Variants in ATG16L1 observed in about 807,000 individuals in gnomAD.
ATG16L1 encodes the protein autophagy related 16 like 1.
Under a neutral mutation model 88.5 loss-of-function variants are expected in ATG16L1, and 37 were observed. The observed-to-expected ratio is 0.42, with a 90% CI of 0.32 to 0.55. The LOEUF is 0.55. Ranked by LOEUF, ATG16L1 falls within the 20% of genes least tolerant of loss-of-function variation. The probability of loss-of-function intolerance (pLI) is 0.13; values close to 1 mark genes in which losing one functional copy is unlikely to be tolerated. For missense variants in ATG16L1, 554 were observed against 752.8 expected (o/e 0.74, Z 3.09); for synonymous variants, 301 against 281.0 (o/e 1.07, Z -0.71).
At chr2:233,273,599 C>T in intron 7 of ATG16L1, 122 bp from the exon 8 acceptor site, 1 of 914,650 alleles carries the variant, frequency 1.1e-6, no homozygotes, top group Non-Finnish European at 1.7e-6. Flanking sequence ...TTTCTCTTGG[C>T]TGGGGTTTGG....
intron 2 of ATG16L1, among the ~76,000 whole-genome samples, chr2:233,260,305 C>T (rs6758317): frequency 0.24 from 36,461 of 152,116 alleles, 4,745 homozygotes; most frequent in African/African-American, 0.35. Flanking sequence ...TTCTGGGAAA[C>T]TGTTAGAAAC....
At position 233,255,424 on chromosome 2, in the gene ATG16L1, A is replaced by C. The variant is rs566668000; in HGVS notation, c.116-678A>C. Among the ~76,000 whole-genome samples, 10 of 152,332 alleles carry C rather than the reference A, an allele frequency of 6.6e-5. No homozygotes were observed. In the South Asian group the frequency reaches 1.0e-3, roughly 16 times the overall value. ...TCTCACACGTTAGCATCCTCCGCCCAGTTGCTTGAGCGAGGAGCCTCAGAA... is the reference window on the plus strand; with the variant it reads ...TCTCACACGTTAGCATCCTCCGCCCCGTTGCTTGAGCGAGGAGCCTCAGAA... On this transcript the variant is annotated intron_variant, in intron 1 of 17. Coordinates refer to ENST00000392017, the MANE Select transcript of ATG16L1 (RefSeq NM_030803.7).
rs1240077209 is a variant in ATG16L1, at chr2:233,273,065, G to T, written c.794+13G>T. ...GCAGAGCAGCCACGTAAGTAGGCAG[G>T]TTTGGGCCAGGGAAAAGACAGCTTG... On this transcript the variant is annotated intron_variant, in intron 7 of 17. Coordinates refer to ENST00000392017, the MANE Select transcript of ATG16L1 (RefSeq NM_030803.7). The T allele has an allele frequency of 6.2e-7, 1 of 1,611,706 alleles. No individual in the cohort carries two copies. The highest frequency in any genetic ancestry group is 1.1e-5 in the South Asian group (1 of 91,046).
chr2:233,280,148 G>T (rs1254067286), intron 10 of ATG16L1, among the ~76,000 whole-genome samples: 1 of 152,174 alleles, frequency 6.6e-6, no homozygotes, highest in Non-Finnish European at 1.5e-5. Flanking sequence ...CTTCAAACCA[G>T]TATTCGTGTC....
intron 7 of ATG16L1, 149 bp from the exon 8 acceptor site, chr2:233,273,571 GT>G: frequency 1.5e-6 from 1 of 670,900 alleles, no homozygotes; most frequent in Non-Finnish European, 2.6e-6. Context: ...TTTTCTGGCA[GT>G]TTGGTACTGT....
Position 233,294,659 on chromosome 2 carries a change from G to A in ATG16L1, c.*309G>A, listed in dbSNP as rs577939027. On this transcript the variant is annotated 3_prime_UTR_variant, in exon 18 of 18. Transcript: ENST00000392017. ...CTCACTTGGGGGAGCACAGGGCCCC[G>A]CTGGGCCTCCTCACCAACGGCAGTG... 2.3e-4 allele frequency: 49 copies of A among 217,056 alleles called. No homozygotes were observed. The Middle Eastern group carries it at 8.0e-3, about 35-fold the overall frequency. 13.4% of individuals were successfully genotyped at this position (217,056 alleles called of 1,614,324 possible). A position where few individuals can be genotyped will look rare whatever the true frequency, so the allele number is the denominator to read the frequency against.
intron 9 of ATG16L1, chr2:233,275,654 A>T (rs2125254354): frequency 4.1e-6 from 2 of 486,816 alleles, no homozygotes; most frequent in East Asian, 5.6e-5. Flanking sequence ...AGGAGTTGGG[A>T]TGGGGCGCAT....
intron 12 of ATG16L1, among the ~76,000 whole-genome samples, chr2:233,287,858 A>G (rs1194882110): frequency 6.6e-6 from 1 of 152,228 alleles, no homozygotes; most frequent in African/African-American, 2.4e-5. Context: ...AGCTTGGGTG[A>G]CAAGAGTGAA....
chr2:233,292,023 A>T, intron 14 of ATG16L1, 105 bp from the exon 15 acceptor site: 2 of 1,341,806 alleles, frequency 1.5e-6, no homozygotes, highest in South Asian at 2.8e-5. Flanking sequence ...GCGCTGGCAG[A>T]GCGTTGCATG....
chr2:233,290,418 G>A (rs943392079), intron 14 of ATG16L1, 65 bp downstream of exon 14: 3 of 1,325,682 alleles, frequency 2.3e-6, no homozygotes, highest in African/African-American at 1.5e-5. Flanking sequence ...TCTGTACATG[G>A]GTTGTGCTTT....
At chr2:233,280,201 G>A (rs1369475586) in intron 10 of ATG16L1, among the ~76,000 whole-genome samples, 1 of 152,188 alleles carries the variant, frequency 6.6e-6, no homozygotes, top group African/African-American at 2.4e-5. Flanking sequence ...CTACTTAGAA[G>A]TACTGAATAA....
intron 1 of ATG16L1, among the ~76,000 whole-genome samples, chr2:233,255,574 A>G (rs1312453223): frequency 1.3e-5 from 2 of 152,172 alleles, no homozygotes; most frequent in African/African-American, 2.4e-5. Flanking sequence ...GTTGGCTCCA[A>G]CCTTTATTTC....
chr2:233,290,738 C>T (rs975133415), intron 14 of ATG16L1, among the ~76,000 whole-genome samples: 3 of 152,104 alleles, frequency 2.0e-5, no homozygotes, highest in Admixed American at 6.5e-5. Context: ...TCTCCGGAGA[C>T]GTGAGTAGGA....
At chr2:233,263,420 C>T (rs1559382846) in intron 3 of ATG16L1, among the ~76,000 whole-genome samples, 185 bp downstream of exon 3, 1 of 152,104 alleles carries the variant, frequency 6.6e-6, no homozygotes, top group Non-Finnish European at 1.5e-5. Flanking sequence ...GATTGAGGCC[C>T]ATCACCAGAA....
chr2:233,275,165 A>G (rs1698261388), intron 9 of ATG16L1, among the ~76,000 whole-genome samples: 1 of 152,194 alleles, frequency 6.6e-6, no homozygotes, highest in African/African-American at 2.4e-5. Flanking sequence ...TGTTGGTTTC[A>G]TGAATTATAT....
intron 1 of ATG16L1, 74 bp downstream of exon 1, chr2:233,252,016 C>T (rs747466039): frequency 2.3e-6 from 3 of 1,326,938 alleles, no homozygotes; most frequent in Non-Finnish European, 3.0e-6. Context: ...CAGCGGGAAC[C>T]TGAGGCCGAG....
chr2:233,282,802 G>A (rs1472755333), intron 12 of ATG16L1, 49 bp downstream of exon 12: 5 of 1,560,524 alleles, frequency 3.2e-6, no homozygotes, highest in Admixed American at 1.7e-5. Context: ...TTCATGTGGT[G>A]TTATCAAGGC....
chr2:233,288,106 G>A (rs1372705929), intron 12 of ATG16L1, among the ~76,000 whole-genome samples: 1 of 152,126 alleles, frequency 6.6e-6, no homozygotes, highest in African/African-American at 2.4e-5. Flanking sequence ...GTAAGATGCT[G>A]TCCCAGTTTC....
chr2:233,281,059 G>A (rs1216834515), intron 10 of ATG16L1, 46 bp from the exon 11 acceptor site: 2 of 1,282,512 alleles, frequency 1.6e-6, no homozygotes, highest in East Asian at 4.6e-5. Context: ...TGTATTTATT[G>A]GCTTTATTTA....
Sources: gnomAD v4.1 joint callset for allele counts (sites outside exome capture counted in the v4.1 genomes callset) on GRCh38, gnomAD v4.1.1 for gene constraint, MANE v1.5 for transcripts, NCBI Gene and HGNC (gene_info 2026-07-23, HGNC 2026-07-21) for gene names.